PPFIA4: variants seen among roughly 807,000 people sequenced by gnomAD.
The protein encoded by PPFIA4 is liprin-alpha-4.
In PPFIA4, 98 loss-of-function variants were observed where a neutral mutation model predicts 145.7. That is an observed-to-expected ratio of 0.67 (90% CI 0.57 to 0.80). PPFIA4 has a LOEUF of 0.80. Among genes scored for constraint, PPFIA4 ranks in the 30% least tolerant of loss-of-function variants. PPFIA4 has a pLI of 0.00. For synonymous variants in PPFIA4, 628 were observed against 649.6 expected, an observed-to-expected ratio of 0.97 and a Z score of 0.51; for missense variants, 1,457 against 1,632.7, an observed-to-expected ratio of 0.89 and a Z score of 1.85.
In PPFIA4 at chr1:203,060,716, G is replaced by A. The variant is rs1000793405; in HGVS notation, c.2785-254G>A. Among the ~76,000 whole-genome samples the A allele has an allele frequency of 1.3e-5, 2 of 152,182 alleles. No individual in the cohort carries two copies. The highest frequency in any genetic ancestry group is 4.8e-5 in the African/African-American group (2 of 41,432). ...GATGGGCTTTCTGGGGTTTTATATG[G>A]TTGTCAGGTTGGGGGAAACAAAGGG... On this transcript the variant is annotated intron_variant, in intron 22 of 29. Coordinates refer to ENST00000295706, the MANE Select transcript of PPFIA4 (RefSeq NM_001304331.2). This position sits in a 1 kb window ranked among gnomAD's most constrained non-coding sequence, Gnocchi z 4.8.
rs1481292719 is a variant in PPFIA4, at chr1:203,056,703, T to C, written c.2241-81T>C. On this transcript the variant is annotated intron_variant, in intron 18 of 29. Transcript: ENST00000295706. ...GTTCTGACTTAATAGAAGTTCTTCCTGAGGTCTAACTTCCATCTTTCCTGC... is the reference window on the plus strand; with the variant it reads ...GTTCTGACTTAATAGAAGTTCTTCCCGAGGTCTAACTTCCATCTTTCCTGC... 2.2e-6 allele frequency: 3 copies of C among 1,342,706 alleles called. No individual in the cohort carries two copies. In the African/African-American group the frequency reaches 4.4e-5, roughly 20 times the overall value. The allele number at this position is 1,342,706 out of a possible 1,614,324, so 83.2% of individuals were successfully genotyped here. A position where few individuals can be genotyped will look rare whatever the true frequency, so the allele number is the denominator to read the frequency against.
chr1:203,045,137 T>G (rs1659978445), intron 6 of PPFIA4, among the ~76,000 whole-genome samples: 1 of 152,132 alleles, frequency 6.6e-6, no homozygotes, highest in Non-Finnish European at 1.5e-5. Flanking sequence ...CAGATAAAAC[T>G]AGAAACTTGT....
intron 14 of PPFIA4, among the ~76,000 whole-genome samples, chr1:203,053,268 C>G (rs894486692): frequency 6.7e-6 from 1 of 149,902 alleles, no homozygotes; most frequent in African/African-American, 2.5e-5. Context: ...CACGGTGGCT[C>G]ACGCTTGTAA....
At chr1:203,056,563 C>T in intron 18 of PPFIA4, 55 bp downstream of exon 18, 1 of 1,582,736 alleles carries the variant, frequency 6.3e-7, no homozygotes, top group South Asian at 1.2e-5. Flanking sequence ...CCTCTCCTCC[C>T]TTCCTCTGCC....
rs1376022024 is a variant in PPFIA4 at position 203,077,655 on chromosome 1, C to T, written c.*1265C>T. On this transcript the variant is annotated 3_prime_UTR_variant, in exon 30 of 30. Transcript: ENST00000295706. ...CCTCCCGGAATTCCTAAGATCCGCC[C>T]AGCTGCCACCATTTTCATTGCTTTC... 6.6e-6 allele frequency: 1 copy of T among 152,176 alleles called. No homozygotes were observed. Among genetic ancestry groups the T allele is most frequent in the African/African-American group, 2.4e-5 (1 of 41,454 alleles). The allele number at this position is 152,176 out of a possible 1,614,324, so 9.4% of individuals were successfully genotyped here.
At chr1:203,029,468 C>T (rs1282188703) in intron 1 of PPFIA4, among the ~76,000 whole-genome samples, 2 of 152,248 alleles carry the variant, frequency 1.3e-5, no homozygotes, top group African/African-American at 4.8e-5. Context: ...TGGTCACATG[C>T]TTCTCTGTAC....
intron 14 of PPFIA4, 131 bp from the exon 15 acceptor site, chr1:203,053,622 C>T (rs937892855): frequency 9.6e-6 from 7 of 727,538 alleles, no homozygotes; most frequent in East Asian, 5.4e-5. Flanking sequence ...TCTGGTGGTG[C>T]GGCCTGAGAT....
chr1:203,039,596 A>G (rs1659558312), intron 2 of PPFIA4, among the ~76,000 whole-genome samples: 1 of 152,214 alleles, frequency 6.6e-6, no homozygotes, highest in Admixed American at 6.5e-5. Context: ...CACAGACAGT[A>G]GAGATGGGTG....
chr1:203,052,250 T>C lies in PPFIA4; in HGVS notation c.1620+373T>C, dbSNP rs187553807. ...TTTCTGGAACAAAAGCTGTGGTTCA[T>C]GGCGGAGACGAGGGAGGGATGACAG... On this transcript the variant is annotated intron_variant, in intron 14 of 29. Coordinates refer to ENST00000295706, the MANE Select transcript of PPFIA4 (RefSeq NM_001304331.2). 4.2e-3 allele frequency among the ~76,000 whole-genome samples: 635 copies of C among 152,180 alleles called. 6 individuals are homozygous for C. The highest frequency in any genetic ancestry group is 0.015 in the African/African-American group (616 of 41,512).
At chr1:203,062,058 A>C (rs561263207) in intron 24 of PPFIA4, among the ~76,000 whole-genome samples, 1 of 152,162 alleles carries the variant, frequency 6.6e-6, no homozygotes, top group African/African-American at 2.4e-5. Flanking sequence ...ACGTTTATTG[A>C]GCAAATATAA....
intron 19 of PPFIA4, among the ~76,000 whole-genome samples, chr1:203,057,340 G>A (rs1292260432): frequency 6.6e-6 from 1 of 152,198 alleles, no homozygotes; most frequent in African/African-American, 2.4e-5. Flanking sequence ...TTCTTGATTG[G>A]AACTTATTTC....
chr1:203,060,225 G>A lies in PPFIA4; in HGVS notation c.2592G>A (p.Val864=), dbSNP rs1185086433. 15 of 1,613,788 alleles carry A rather than the reference G, an allele frequency of 9.3e-6. No homozygotes were observed. Among genetic ancestry groups the A allele is most frequent in the Non-Finnish European group, 1.3e-5 (15 of 1,179,952 alleles). The change falls in exon 22 of 30, where the codon GTG becomes GTA. Residue 864 remains valine, a synonymous_variant. Transcript: ENST00000295706. This position sits in a 1 kb window ranked among gnomAD's most constrained non-coding sequence, Gnocchi z 4.8. ...PTVVSWLELW[V]GMPAWYVAAC... ...GTGCCCGGTGTCTGCAGCTCTGGGT[G>A]GGGATGCCTGCCTGGTATGTGGCAG...
intron 9 of PPFIA4, among the ~76,000 whole-genome samples, chr1:203,047,451 G>A (rs1372225451): frequency 6.6e-6 from 1 of 152,130 alleles, no homozygotes; most frequent in Non-Finnish European, 1.5e-5. Context: ...ATGAAGGCAC[G>A]GGCTGAAATG....
chr1:203,063,743 G>T, intron 24 of PPFIA4, 85 bp from the exon 25 acceptor site: 1 of 1,394,532 alleles, frequency 7.2e-7, no homozygotes, highest in Non-Finnish European at 1.0e-6. Context: ...ATGGATTCAT[G>T]TGTCTCCCGA....
Position 203,076,620 on chromosome 1 carries a change from G to T in PPFIA4, c.*230G>T, listed in dbSNP as rs938215344. ...TGTGGCTGGGGTTTCCTGGTATTGT[G>T]GAGGCACCCAGGTTGTCCATGCTTG... is the stretch of plus-strand genomic sequence containing the variant. On this transcript the variant is annotated 3_prime_UTR_variant, in exon 30 of 30. Transcript: ENST00000295706. The T allele has an allele frequency of 1.7e-6, 1 of 576,032 alleles. No homozygotes were observed. Among genetic ancestry groups the T allele is most frequent in the Non-Finnish European group, 3.1e-6 (1 of 322,766 alleles). The allele number at this position is 576,032 out of a possible 1,614,324, so 35.7% of individuals were successfully genotyped here.
In PPFIA4 at chr1:203,076,823, A is replaced by G. The variant is rs187951682; in HGVS notation, c.*433A>G. 196 of 191,740 alleles carry G rather than the reference A, an allele frequency of 1.0e-3. 7 individuals are homozygous for G. In the East Asian group the frequency reaches 0.022, roughly 22 times the overall value. The allele number at this position is 191,740 out of a possible 1,614,324, so 11.9% of individuals were successfully genotyped here. ...GACGCAGCCCTGCTTGGGCTATTCA[A>G]TCTTAGGGTGTCTATCCACGTCTGG... is the stretch of plus-strand genomic sequence containing the variant. On this transcript the variant is annotated 3_prime_UTR_variant, in exon 30 of 30. Transcript: ENST00000295706.
chr1:203,052,953 A>G (rs1010294138), intron 14 of PPFIA4, among the ~76,000 whole-genome samples: 4 of 152,102 alleles, frequency 2.6e-5, no homozygotes, highest in African/African-American at 9.7e-5. Flanking sequence ...GTTTGTATGG[A>G]TGGAAACTGA....
In PPFIA4 at chr1:203,044,436, G is replaced by A. The variant is rs1459021022; in HGVS notation, c.559G>A (p.Ala187Thr). The change falls in exon 5 of 30, where the codon GCA (alanine) becomes ACA (threonine). Residue 187 changes from alanine (A) to threonine (T), a missense_variant. By Grantham distance (58) the Ala-to-Thr change is moderately conservative (BLOSUM62 0). Around this residue, in one of 3 missense-constraint regions of PPFIA4, gnomAD observed 463 missense variants for 459.8 expected, o/e 1.01. Transcript: ENST00000295706. Reference sequence around the variant, plus strand: ...AGTCACCACCTTGGAGGAGCAGCTGGCAGGTGCCCACCAGCAGGTAATCTG... The same window carrying A: ...AGTCACCACCTTGGAGGAGCAGCTGACAGGTGCCCACCAGCAGGTAATCTG... ...ERVTTLEEQL[A>T]GAHQQVSALQ... 2 of 1,551,382 alleles carry A rather than the reference G, an allele frequency of 1.3e-6. No homozygotes were observed. The highest frequency in any genetic ancestry group is 1.7e-6 in the Non-Finnish European group (2 of 1,147,462).
rs369764915 is a variant in PPFIA4 at position 203,048,263 on chromosome 1, C to A, written c.1177C>A (p.Arg393=). The A allele has an allele frequency of 2.5e-6, 4 of 1,612,704 alleles. No individual in the cohort carries two copies. ...GCATGGCAACATTGAGGAGCACCTG[C>A]GGCAGCTGGAGGGACAGCTGGAGGA... The part of the protein sequence containing the change: ...ERHGNIEEHL[R]QLEGQLEEKN... The change falls in exon 10 of 30, where the codon CGG becomes AGG. Residue 393 remains arginine, a synonymous_variant. Transcript: ENST00000295706. This position sits in a 1 kb window ranked among gnomAD's most constrained non-coding sequence, Gnocchi z 5.8.
Sources: gnomAD v4.1 joint callset for allele counts (sites outside exome capture counted in the v4.1 genomes callset) on GRCh38, gnomAD v4.1.1 for gene constraint, gnomAD v4.1.1 regional missense constraint, Gnocchi (gnomAD v3.1) non-coding constraint, MANE v1.5 for transcripts, NCBI Gene and HGNC (gene_info 2026-07-23, HGNC 2026-07-21) for gene names.